Variants in OPCML observed in about 807,000 individuals in gnomAD.
OPCML encodes the protein opioid binding protein/cell adhesion molecule like.
A neutral mutation model predicts 37.8 loss-of-function variants in OPCML; 13 were observed. That is an observed-to-expected ratio of 0.34 (90% CI 0.22 to 0.55). The LOEUF is 0.55. OPCML is among the 20% of genes least tolerant of loss of function. OPCML has a pLI of 0.91. For missense variants in OPCML, 341 were observed against 435.6 expected, an observed-to-expected ratio of 0.78 and a Z score of 1.93; for synonymous variants, 176 against 168.8, an observed-to-expected ratio of 1.04 and a Z score of -0.33.
chr11:132,528,266 C>T (rs2512706), intron 4 of OPCML, among the ~76,000 whole-genome samples: 2 of 151,722 alleles, frequency 1.3e-5, no homozygotes, highest in Middle Eastern at 3.2e-3. Context: ...TGTTATGTAG[C>T]CATATTCCAT....
intron 2 of OPCML, among the ~76,000 whole-genome samples, chr11:132,731,823 C>A (rs999658041): frequency 6.6e-6 from 1 of 152,010 alleles, no homozygotes; most frequent in East Asian, 1.9e-4. Context: ...AAAAGAAATA[C>A]AATTGTCAAC....
At chr11:132,704,500 C>T (rs535235806) in intron 2 of OPCML, among the ~76,000 whole-genome samples, 8 of 152,010 alleles carry the variant, frequency 5.3e-5, no homozygotes, top group African/African-American at 1.9e-4. Context: ...CCAAAAAATG[C>T]CTTTGAGGGG....
intron 2 of OPCML, among the ~76,000 whole-genome samples, chr11:132,835,941 A>T (rs1455297136): frequency 2.0e-5 from 3 of 152,072 alleles, no homozygotes; most frequent in Non-Finnish European, 4.4e-5. Context: ...ACAAATATCC[A>T]TTTTTGTTGT....
At chr11:133,074,061 T>G (rs1948585577) in intron 1 of OPCML, among the ~76,000 whole-genome samples, 1 of 152,226 alleles carries the variant, frequency 6.6e-6, no homozygotes, top group East Asian at 1.9e-4. Flanking sequence ...AATGGGAATC[T>G]CATTCATTAT....
intron 4 of OPCML, among the ~76,000 whole-genome samples, chr11:132,459,595 G>C (rs900923451): frequency 1.3e-5 from 2 of 150,920 alleles, no homozygotes; most frequent in Non-Finnish European, 2.9e-5. Flanking sequence ...TACTGGTTCT[G>C]TTTCTCTGGA....
At chr11:132,682,133 C>G (rs918900068) in intron 2 of OPCML, among the ~76,000 whole-genome samples, 9 of 152,122 alleles carry the variant, frequency 5.9e-5, no homozygotes, top group Non-Finnish European at 8.8e-5. Flanking sequence ...TGCCAGCACT[C>G]AAAAGCGCTC....
chr11:133,193,059 A>G (rs1938389193), intron 1 of OPCML, among the ~76,000 whole-genome samples: 1 of 151,842 alleles, frequency 6.6e-6, no homozygotes, highest in South Asian at 2.1e-4. Flanking sequence ...TCCCTGACCA[A>G]AAAAAACCAG....
At chr11:132,453,414 C>G (rs1257713196) in intron 4 of OPCML, among the ~76,000 whole-genome samples, 3 of 152,180 alleles carry the variant, frequency 2.0e-5, no homozygotes, top group Non-Finnish European at 2.9e-5. Flanking sequence ...AGCTCGGTGA[C>G]TACAAAGACC....
intron 3 of OPCML, among the ~76,000 whole-genome samples, chr11:132,595,444 A>G (rs780892426): frequency 1.3e-5 from 2 of 152,138 alleles, no homozygotes; most frequent in Non-Finnish European, 2.9e-5. Context: ...ACCTGTCTGT[A>G]CCACAACACT....
intron 4 of OPCML, among the ~76,000 whole-genome samples, chr11:132,437,969 C>T (rs893922818): frequency 1.3e-5 from 2 of 152,172 alleles, no homozygotes; most frequent in Admixed American, 1.3e-4. Flanking sequence ...AATAGATGCT[C>T]AATAAGCATT....
At chr11:133,435,559 T>A (rs571992287) in intron 1 of OPCML, among the ~76,000 whole-genome samples, 1 of 152,298 alleles carries the variant, frequency 6.6e-6, no homozygotes, top group East Asian at 1.9e-4. Flanking sequence ...ATAAATAACA[T>A]CCTCATTCAT....
chr11:133,216,201 C>A (rs1223312241), intron 1 of OPCML, among the ~76,000 whole-genome samples: 1 of 152,150 alleles, frequency 6.6e-6, no homozygotes, highest in Non-Finnish European at 1.5e-5. Flanking sequence ...GAGCTCAATA[C>A]CTCTGGGGCA....
intron 7 of OPCML, chr11:132,435,218 G>T (rs1199006341): frequency 1.6e-6 from 2 of 1,289,838 alleles, no homozygotes; most frequent in Non-Finnish European, 2.0e-6. Flanking sequence ...CACACACAAT[G>T]CAGAGAGAAA....
At chr11:133,517,501 A>G (rs1010693617) in intron 1 of OPCML, among the ~76,000 whole-genome samples, 6 of 152,228 alleles carry the variant, frequency 3.9e-5, no homozygotes, top group African/African-American at 1.2e-4. Flanking sequence ...AAAGGGCAAC[A>G]GGGAGTCAGG....
intron 2 of OPCML, among the ~76,000 whole-genome samples, chr11:132,773,568 T>A (rs2136129133): frequency 6.6e-6 from 1 of 152,298 alleles, no homozygotes; most frequent in Non-Finnish European, 1.5e-5. Flanking sequence ...TGGCATTTTC[T>A]TACCTCCCAA....
At chr11:132,715,217 G>C (rs1317525549) in intron 2 of OPCML, among the ~76,000 whole-genome samples, 2 of 152,214 alleles carry the variant, frequency 1.3e-5, no homozygotes, top group Non-Finnish European at 2.9e-5. Flanking sequence ...ACTGGGAATA[G>C]TTTAACTGGC....
chr11:132,861,887 C>G (rs1942321717), intron 2 of OPCML, among the ~76,000 whole-genome samples: 1 of 150,996 alleles, frequency 6.6e-6, no homozygotes, highest in Non-Finnish European at 1.5e-5. Flanking sequence ...TTACTCTCTC[C>G]TTAAGCTAGT....
intron 1 of OPCML, among the ~76,000 whole-genome samples, chr11:133,220,306 A>G (rs1255429818): frequency 6.6e-6 from 1 of 152,178 alleles, no homozygotes; most frequent in Non-Finnish European, 1.5e-5. Flanking sequence ...TTTTGCAGAA[A>G]CATTAGTCAG....
At chr11:133,122,542 C>T (rs2137117822) in intron 1 of OPCML, among the ~76,000 whole-genome samples, 1 of 152,256 alleles carries the variant, frequency 6.6e-6, no homozygotes, top group Middle Eastern at 3.4e-3. Context: ...TTAGATTTCT[C>T]ACATTCCAGC....
Sources: allele counts gnomAD v4.1 joint callset (sites outside exome capture counted in the v4.1 genomes callset), GRCh38; gene constraint gnomAD v4.1.1; transcripts MANE v1.5; gene names NCBI Gene and HGNC (gene_info 2026-07-23, HGNC 2026-07-21).